Variants in ARG2 observed in about 807,000 individuals in gnomAD.
ARG2 encodes the protein arginase-2, mitochondrial.
ARG2 carries 21 observed loss-of-function variants against 39.4 expected under a neutral mutation model. The ratio of observed to expected loss-of-function variants is 0.53; its 90% CI spans 0.38 to 0.77. The LOEUF is 0.77. ARG2 is among the 30% of genes least tolerant of loss of function. The pLI is 0.00. For synonymous variants in ARG2, 150 were observed against 156.7 expected (o/e 0.96, Z 0.32); for missense variants, 378 against 426.2 (o/e 0.89, Z 1.00).
In ARG2 at chr14:67,645,696, T is replaced by C; in HGVS notation, c.416T>C (p.Val139Ala). 1 of 1,614,076 alleles carries C rather than the reference T, an allele frequency of 6.2e-7. No individual in the cohort carries two copies. Among genetic ancestry groups the C allele is most frequent in the Non-Finnish European group, 8.5e-7 (1 of 1,179,960 alleles). ...GCCCGACACTGCCCAGACCTTTGTG[T>C]TGTCTGGGTTGATGCCCATGCTGAC... ...GHARHCPDLC[V>A]VWVDAHADIN... Residue 139 changes from valine to alanine, a missense_variant, in exon 4 of 8, where the codon GTT becomes GCT. Val to Ala is a moderately conservative substitution (Grantham distance 64, BLOSUM62 0). Transcript: ENST00000261783.
In ARG2 at chr14:67,651,416, A is replaced by G; in HGVS notation, c.*496A>G. 1 of 1,614,014 alleles carries G rather than the reference A, an allele frequency of 6.2e-7. No homozygotes were observed. Among genetic ancestry groups the G allele is most frequent in the Non-Finnish European group, 8.5e-7 (1 of 1,179,860 alleles). On this transcript the variant is annotated 3_prime_UTR_variant, in exon 8 of 8. Coordinates refer to ENST00000261783, the MANE Select transcript of ARG2 (RefSeq NM_001172.4). ...GCTGCGAAAGAATTTGTAGTAAACC[A>G]GGCCTCCCAGGATGGCGAGCTCCAG...
chr14:67,631,498 C>T (rs904427509), intron 2 of ARG2, among the ~76,000 whole-genome samples: 4 of 139,900 alleles, frequency 2.9e-5, no homozygotes, highest in Admixed American at 7.6e-5. Flanking sequence ...TACAGTGGTA[C>T]GATCTCAGCT....
chr14:67,619,987 A>C lies in ARG2; in HGVS notation c.10A>C (p.Arg4=), dbSNP rs143988405. MSL[R]GSLSRLLQTR... ...CTCAGTGCTGCGGATCATGTCCCTA[A>C]GGGGCAGCCTCTCGCGTCTCCTCCA... Residue 4 remains arginine, a synonymous_variant, in exon 1 of 8, where the codon AGG becomes CGG. Transcript: ENST00000261783. 5 of 1,602,556 alleles carry C rather than the reference A, an allele frequency of 3.1e-6. No homozygotes were observed. Among genetic ancestry groups the C allele is most frequent in the Non-Finnish European group, 3.4e-6 (4 of 1,174,850 alleles).
chr14:67,626,667 C>A (rs190461461), intron 2 of ARG2, among the ~76,000 whole-genome samples: 32 of 152,248 alleles, frequency 2.1e-4, no homozygotes, highest in Middle Eastern at 3.4e-3. Context: ...GCCATGTTGG[C>A]CAGGTTGGTC....
Position 67,651,446 on chromosome 14 carries a change from A to G in ARG2, c.*526A>G. ...TCCCAGGATGGCGAGCTCCAGTAAG[A>G]TGATAATGGAAAGCAGCAGCTTGTT... On this transcript the variant is annotated 3_prime_UTR_variant, in exon 8 of 8. Coordinates refer to ENST00000261783, the MANE Select transcript of ARG2 (RefSeq NM_001172.4). The G allele has an allele frequency of 6.2e-7, 1 of 1,613,980 alleles. No individual in the cohort carries two copies. Among genetic ancestry groups the G allele is most frequent in the Non-Finnish European group, 8.5e-7 (1 of 1,179,842 alleles).
chr14:67,640,681 A>C (rs186603346), intron 2 of ARG2, among the ~76,000 whole-genome samples: 7 of 152,320 alleles, frequency 4.6e-5, no homozygotes, highest in African/African-American at 1.7e-4. Context: ...CCCTAAGAAT[A>C]TAATCTATGT....
At chr14:67,632,350 T>C (rs1327495993) in intron 2 of ARG2, among the ~76,000 whole-genome samples, 2 of 152,234 alleles carry the variant, frequency 1.3e-5, no homozygotes, top group Non-Finnish European at 2.9e-5. Context: ...GCCAGCATCA[T>C]CACCAATACG....
intron 3 of ARG2, among the ~76,000 whole-genome samples, chr14:67,645,015 ATT>A (rs1594829152): frequency 6.6e-6 from 1 of 150,782 alleles, no homozygotes; most frequent in African/African-American, 2.5e-5. Flanking sequence ...AAAAAAAAAA[ATT>A]GAATGCCATG....
At chr14:67,642,839 G>T (rs984464670) in intron 3 of ARG2, among the ~76,000 whole-genome samples, 3 of 106,466 alleles carry the variant, frequency 2.8e-5, no homozygotes, top group African/African-American at 3.7e-5. Context: ...GTCTGGCTCT[G>T]TTGCCCAGGC....
chr14:67,634,042 C>T (rs760931542), intron 2 of ARG2, among the ~76,000 whole-genome samples: 7 of 152,140 alleles, frequency 4.6e-5, no homozygotes, highest in Non-Finnish European at 7.4e-5. Flanking sequence ...TGCACCATAC[C>T]TTATTTCTGC....
Position 67,631,430 on chromosome 14 carries a change from C to CTTTTTTT in ARG2, c.184+10467_184+10468insTTTTTTT, listed in dbSNP as rs1447220086. On this transcript the variant is annotated intron_variant, in intron 2 of 7. Coordinates refer to ENST00000261783, the MANE Select transcript of ARG2 (RefSeq NM_001172.4). ...AATTCCTCTAGTAAATCCTTTCTTTCTTTCTTTTTTTTTTTTTTTTTTTGA... is the reference window on the plus strand; with the variant it reads ...AATTCCTCTAGTAAATCCTTTCTTTCTTTTTTTTTTCTTTTTTTTTTTTTTTTTTTGA... Among the ~76,000 whole-genome samples, 33 of 128,484 alleles carry CTTTTTTT rather than the reference C, an allele frequency of 2.6e-4. 1 individual carries two copies. The highest frequency in any genetic ancestry group is 1.6e-3 in the East Asian group (7 of 4,280). The allele number at this position is 128,484 out of a possible 152,430, so 84.3% of individuals were successfully genotyped here.
At chr14:67,631,746 C>G (rs1594824024) in intron 2 of ARG2, among the ~76,000 whole-genome samples, 1 of 152,168 alleles carries the variant, frequency 6.6e-6, no homozygotes, top group East Asian at 1.9e-4. Flanking sequence ...TCCTCTTTTT[C>G]TAGCTACTTC....
In ARG2 at chr14:67,639,924, C is replaced by CAAA. The variant is rs5809358; in HGVS notation, c.185-2239_185-2237dup. ...TGCATGATAGCGCAAGACCCTGTCT[C>CAAA]AAAAAAAAAAAAAAAAAAAAAAAAA... On this transcript the variant is annotated intron_variant, in intron 2 of 7. Coordinates refer to ENST00000261783, the MANE Select transcript of ARG2 (RefSeq NM_001172.4). Among the ~76,000 whole-genome samples, 167 of 61,724 alleles carry CAAA rather than the reference C, an allele frequency of 2.7e-3. 1 individual carries two copies. The highest frequency in any genetic ancestry group is 0.01 in the Middle Eastern group (1 of 100). The allele number at this position is 61,724 out of a possible 152,430, so 40.5% of individuals were successfully genotyped here. A position where few individuals can be genotyped will look rare whatever the true frequency, so the allele number is the denominator to read the frequency against.
intron 5 of ARG2, 56 bp downstream of exon 5, chr14:67,646,794 T>C: frequency 1.3e-6 from 2 of 1,496,042 alleles, no homozygotes; most frequent in Non-Finnish European, 1.9e-6. Flanking sequence ...TTATGTTCTA[T>C]TTGAAAGGCT....
rs1333928502 is a variant in ARG2, at chr14:67,642,079, AATG to A, written c.185-104_185-102del. 7.2e-6 allele frequency: 8 copies of A among 1,107,576 alleles called. No homozygotes were observed. In the African/African-American group the frequency reaches 1.1e-4, roughly 15 times the overall value. The allele number at this position is 1,107,576 out of a possible 1,614,324, so 68.6% of individuals were successfully genotyped here. ...GACATTTTAAATTTTACTGTGACAA[AATG>A]ATTATGATGTGTACTTTGTCACGTA... On this transcript the variant is annotated intron_variant, in intron 2 of 7. Transcript: ENST00000261783.
chr14:67,628,942 TAAC>T (rs1159157619), intron 2 of ARG2, among the ~76,000 whole-genome samples: 2 of 152,338 alleles, frequency 1.3e-5, no homozygotes, highest in East Asian at 3.9e-4. Context: ...ACAGCAGTAT[TAAC>T]AATAGCCAAA....
At chr14:67,638,766 C>T (rs2036999753) in intron 2 of ARG2, among the ~76,000 whole-genome samples, 1 of 152,198 alleles carries the variant, frequency 6.6e-6, no homozygotes, top group South Asian at 2.1e-4. Flanking sequence ...TGCAGAAACA[C>T]AAGGTTGCTG....
intron 2 of ARG2, among the ~76,000 whole-genome samples, chr14:67,630,801 T>G (rs1007071275): frequency 6.6e-6 from 1 of 152,096 alleles, no homozygotes; most frequent in Non-Finnish European, 1.5e-5. Context: ...GCTGGTCTGG[T>G]CTGGAACTCC....
chr14:67,621,543 C>A (rs768496173), intron 2 of ARG2, among the ~76,000 whole-genome samples: 3 of 151,676 alleles, frequency 2.0e-5, no homozygotes, highest in Non-Finnish European at 4.4e-5. Context: ...GCAACCTCCA[C>A]CTTCTGGGTT....
Sources: allele counts gnomAD v4.1 joint callset (sites outside exome capture counted in the v4.1 genomes callset), GRCh38; gene constraint gnomAD v4.1.1; transcripts MANE v1.5; gene names NCBI Gene and HGNC (gene_info 2026-07-23, HGNC 2026-07-21).